ATE1: variants seen among roughly 807,000 people sequenced by gnomAD.
ATE1 encodes the protein arginyltransferase 1.
A neutral mutation model predicts 70.5 loss-of-function variants in ATE1; 36 were observed. The observed-to-expected ratio is 0.51, with a 90% CI of 0.39 to 0.67. The LOEUF (loss-of-function observed/expected upper bound fraction) is 0.67, where lower values mean the gene tolerates loss of function less well. Ranked by LOEUF, ATE1 falls within the 30% of genes least tolerant of loss-of-function variation. The pLI is 0.00. For synonymous variants in ATE1, 232 were observed against 219.3 expected (o/e 1.06, Z -0.51); for missense variants, 593 against 629.5 (o/e 0.94, Z 0.62).
chr10:121,878,636 C>T (rs1177760579), intron 7 of ATE1, among the ~76,000 whole-genome samples: 2 of 151,244 alleles, frequency 1.3e-5, no homozygotes, highest in Admixed American at 1.3e-4. Context: ...ACAAGCTATA[C>T]ACCTAAGATT....
At chr10:121,799,331 T>C (rs1041027222) in intron 10 of ATE1, among the ~76,000 whole-genome samples, 1 of 152,070 alleles carries the variant, frequency 6.6e-6, no homozygotes, top group Admixed American at 6.5e-5. Context: ...TGTGGTAGAA[T>C]GCACAGGTGA....
rs185819887 is a variant in ATE1 at position 121,915,325 on chromosome 10, C to A, written c.234-1432G>T. 1.7e-3 allele frequency among the ~76,000 whole-genome samples: 251 copies of A among 151,832 alleles called. 1 individual carries two copies. The highest frequency in any genetic ancestry group is 5.6e-3 in the African/African-American group (233 of 41,412). ...GACCTGAAAACTGAAGTTGAAGAAACCTTCCAGAAGATTCTGCAAAAAAGA... is the reference window on the plus strand; with the variant it reads ...GACCTGAAAACTGAAGTTGAAGAAAACTTCCAGAAGATTCTGCAAAAAAGA... On this transcript the variant is annotated intron_variant, in intron 3 of 11. Coordinates refer to ENST00000224652, the MANE Select transcript of ATE1 (RefSeq NM_001001976.3).
At chr10:121,776,486 T>C (rs914672064) in intron 11 of ATE1, among the ~76,000 whole-genome samples, 1 of 152,220 alleles carries the variant, frequency 6.6e-6, no homozygotes, top group Non-Finnish European at 1.5e-5. Context: ...CAATCACTGC[T>C]ACCACTGCCG....
intron 8 of ATE1, among the ~76,000 whole-genome samples, chr10:121,855,334 T>C (rs1424390854): frequency 6.6e-6 from 1 of 152,210 alleles, no homozygotes; most frequent in Non-Finnish European, 1.5e-5. Flanking sequence ...GTAGATTTCA[T>C]TTATGGTCTC....
At position 121,848,079 on chromosome 10, in the gene ATE1, T is replaced by C. The variant is rs112591580; in HGVS notation, c.976-6816A>G. On this transcript the variant is annotated intron_variant, in intron 8 of 11. Transcript: ENST00000224652. Reference sequence around the variant, plus strand: ...GAGCAAGACTCCATCTAAAAAATAATAATAATAATCGTGAATGAAAGCAGC... The same window carrying C: ...GAGCAAGACTCCATCTAAAAAATAACAATAATAATCGTGAATGAAAGCAGC... Among the ~76,000 whole-genome samples the C allele has an allele frequency of 2.3e-3, 351 of 151,818 alleles. 3 individuals carry two copies. The highest frequency in any genetic ancestry group is 8.2e-3 in the African/African-American group (340 of 41,380).
At chr10:121,768,661 G>A (rs531196519) in intron 11 of ATE1, among the ~76,000 whole-genome samples, 33 of 152,246 alleles carry the variant, frequency 2.2e-4, no homozygotes, top group African/African-American at 6.3e-4. Flanking sequence ...GAGATTGCCA[G>A]CTTCCAAAAG....
chr10:121,826,127 G>C (rs4752604), intron 10 of ATE1, among the ~76,000 whole-genome samples: 111,613 of 152,038 alleles, frequency 0.73, 41,076 homozygotes, highest in Middle Eastern at 0.79. Context: ...AATTCTTAGG[G>C]GTGGGGAAGG....
At chr10:121,864,761 T>C (rs2133981713) in intron 8 of ATE1, among the ~76,000 whole-genome samples, 1 of 152,316 alleles carries the variant, frequency 6.6e-6, no homozygotes, top group South Asian at 2.1e-4. Context: ...TAAGGCTTTT[T>C]TAGGGATGTG....
At chr10:121,900,089 G>A in intron 6 of ATE1, 95 bp from the exon 7 acceptor site, 1 of 1,306,816 alleles carries the variant, frequency 7.7e-7, no homozygotes, top group Non-Finnish European at 1.0e-6. Context: ...AAGAAACCAA[G>A]TTTCAACAAT....
intron 9 of ATE1, among the ~76,000 whole-genome samples, chr10:121,840,491 G>A (rs1480371940): frequency 2.0e-5 from 3 of 152,084 alleles, no homozygotes; most frequent in Non-Finnish European, 4.4e-5. Flanking sequence ...AAAGAAAGTA[G>A]AAGATAATGA....
intron 8 of ATE1, among the ~76,000 whole-genome samples, chr10:121,866,219 G>C (rs951367432): frequency 1.3e-5 from 2 of 152,108 alleles, no homozygotes; most frequent in African/African-American, 4.8e-5. Flanking sequence ...GAGACTTAGG[G>C]GTAGCTGCCA....
At chr10:121,850,344 AC>A (rs1949007892) in intron 8 of ATE1, among the ~76,000 whole-genome samples, 1 of 151,894 alleles carries the variant, frequency 6.6e-6, no homozygotes, top group Admixed American at 6.6e-5. Context: ...CTACCACCCC[AC>A]CCCAACTAGG....
intron 10 of ATE1, among the ~76,000 whole-genome samples, chr10:121,820,534 T>G (rs1413720128): frequency 2.0e-5 from 3 of 152,218 alleles, no homozygotes; most frequent in African/African-American, 7.2e-5. Context: ...TATAATCCTG[T>G]TTTAATTAAA....
At chr10:121,864,183 C>T (rs999240261) in intron 8 of ATE1, among the ~76,000 whole-genome samples, 13 of 152,132 alleles carry the variant, frequency 8.5e-5, no homozygotes, top group African/African-American at 3.1e-4. Flanking sequence ...CTTTTTGGCA[C>T]CAGGGACTGG....
intron 11 of ATE1, among the ~76,000 whole-genome samples, chr10:121,785,783 G>A (rs532311637): frequency 3.3e-5 from 5 of 152,178 alleles, no homozygotes; most frequent in South Asian, 2.1e-4. Flanking sequence ...ACTAAATCAC[G>A]TTGAGGGACT....
intron 7 of ATE1, among the ~76,000 whole-genome samples, chr10:121,898,181 C>T (rs369392804): frequency 6.6e-6 from 1 of 152,090 alleles, no homozygotes. Context: ...AATAAACGCC[C>T]GTTAAACCAT....
chr10:121,839,603 G>C (rs1948554027), intron 9 of ATE1, among the ~76,000 whole-genome samples: 2 of 152,100 alleles, frequency 1.3e-5, no homozygotes. Flanking sequence ...ATTTCAGTGA[G>C]AGCACCAACA....
intron 5 of ATE1, among the ~76,000 whole-genome samples, chr10:121,903,923 T>G (rs965132433): frequency 2.0e-5 from 3 of 150,284 alleles, no homozygotes; most frequent in Non-Finnish European, 2.9e-5. Flanking sequence ...TCATTTTACT[T>G]TGTTTCAGAA....
intron 10 of ATE1, among the ~76,000 whole-genome samples, chr10:121,794,645 T>A (rs988862345): frequency 6.4e-3 from 222 of 34,900 alleles, no homozygotes; most frequent in Non-Finnish European, 8.1e-3. Flanking sequence ...GAGAAGAGAA[T>A]ACCAAGAATG....
Sources: gnomAD v4.1 joint callset for allele counts (sites outside exome capture counted in the v4.1 genomes callset) on GRCh38, gnomAD v4.1.1 for gene constraint, MANE v1.5 for transcripts, NCBI Gene and HGNC (gene_info 2026-07-23, HGNC 2026-07-21) for gene names.